Variants in PDE2A observed in about 807,000 individuals in gnomAD.
The protein encoded by PDE2A is cGMP-dependent 3',5'-cyclic phosphodiesterase.
A neutral mutation model predicts 133.6 loss-of-function variants in PDE2A; 53 were observed. The ratio of observed to expected loss-of-function variants is 0.40; its 90% CI spans 0.32 to 0.50. The LOEUF (loss-of-function observed/expected upper bound fraction) is 0.50, where lower values mean the gene tolerates loss of function less well. Ranked by LOEUF, PDE2A falls within the 20% of genes least tolerant of loss-of-function variation. PDE2A has a pLI of 0.73. For missense variants in PDE2A, 796 were observed against 1,232.4 expected (o/e 0.65, Z 5.30); for synonymous variants, 491 against 490.2 (o/e 1.00, Z -0.02).
intron 2 of PDE2A, among the ~76,000 whole-genome samples, chr11:72,620,655 C>T (rs1285618413): frequency 2.0e-5 from 3 of 152,142 alleles, no homozygotes; most frequent in African/African-American, 7.2e-5. Context: ...CTATCCACCC[C>T]CACCCTCCCG....
intron 4 of PDE2A, among the ~76,000 whole-genome samples, chr11:72,602,313 C>T (rs538826912): frequency 6.6e-6 from 1 of 152,342 alleles, no homozygotes; most frequent in South Asian, 2.1e-4. Flanking sequence ...CGCCTTGACC[C>T]TTTTCCACCC....
At chr11:72,643,941 C>T (rs1168708962) in intron 1 of PDE2A, among the ~76,000 whole-genome samples, 1 of 152,140 alleles carries the variant, frequency 6.6e-6, no homozygotes, top group Non-Finnish European at 1.5e-5. Flanking sequence ...CTGAGCCTGG[C>T]GGGCCAGACC....
chr11:72,608,769 G>A lies in PDE2A; in HGVS notation c.145-18C>T. On this transcript the variant is annotated intron_variant, in intron 2 of 30. Coordinates refer to ENST00000334456, the MANE Select transcript of PDE2A (RefSeq NM_002599.5). ...AAGGCGTCCTGGAAGAGAGGAGAGG[G>A]CAGTGAGAGGCTTTGCCAGGCAGGC... 2 of 1,410,692 alleles carry A rather than the reference G, an allele frequency of 1.4e-6. No individual in the cohort carries two copies. The highest frequency in any genetic ancestry group is 1.2e-5 in the South Asian group (1 of 81,834). 87.4% of individuals were successfully genotyped at this position (1,410,692 alleles called of 1,614,324 possible). A position where few individuals can be genotyped will look rare whatever the true frequency, so the allele number is the denominator to read the frequency against.
At chr11:72,632,222 G>T (rs2135418733) in intron 2 of PDE2A, among the ~76,000 whole-genome samples, 1 of 152,308 alleles carries the variant, frequency 6.6e-6, no homozygotes, top group Middle Eastern at 3.4e-3. Flanking sequence ...GGAATCTCTG[G>T]CTCTCCTTGG....
intron 1 of PDE2A, among the ~76,000 whole-genome samples, chr11:72,672,187 C>T (rs168175): frequency 0.48 from 71,989 of 149,468 alleles, 17,570 homozygotes; most frequent in Middle Eastern, 0.68. Context: ...TTTTTTTCTT[C>T]TTTTGAGACA....
At chr11:72,652,083 C>A (rs1489347008) in intron 1 of PDE2A, among the ~76,000 whole-genome samples, 1 of 152,200 alleles carries the variant, frequency 6.6e-6, no homozygotes, top group East Asian at 1.9e-4. Flanking sequence ...CCAGTGGGAG[C>A]CCCTCTCCTG....
intron 13 of PDE2A, among the ~76,000 whole-genome samples, chr11:72,587,035 C>T (rs1236161207): frequency 6.6e-6 from 1 of 152,232 alleles, no homozygotes; most frequent in Non-Finnish European, 1.5e-5. Context: ...GCTTCAGCCA[C>T]ACAAAGATCC....
intron 1 of PDE2A, among the ~76,000 whole-genome samples, chr11:72,671,484 CCCCCCACCCCCG>C (rs1471496238): frequency 1.3e-5 from 2 of 151,876 alleles, no homozygotes; most frequent in African/African-American, 2.4e-5. Flanking sequence ...GGGAGCTCTT[CCCCCCACCCCCG>C]CCCCCACCCC....
chr11:72,628,026 G>T (rs1440308855), intron 2 of PDE2A, among the ~76,000 whole-genome samples: 1 of 152,230 alleles, frequency 6.6e-6, no homozygotes, highest in East Asian at 1.9e-4. Context: ...GTGGGGATGG[G>T]TGCTGGCAGC....
At chr11:72,608,532 C>T (rs907787031) in intron 3 of PDE2A, 130 bp downstream of exon 3, 19 of 604,028 alleles carry the variant, frequency 3.1e-5, no homozygotes, top group Admixed American at 9.8e-5. Flanking sequence ...CCCTTCACTT[C>T]CCCATGAAAG....
At position 72,674,137 on chromosome 11, in the gene PDE2A, G is replaced by A. The variant is rs568259389; in HGVS notation, c.71C>T (p.Pro24Leu). 7.4e-6 allele frequency: 12 copies of A among 1,613,084 alleles called. No homozygotes were observed. Among genetic ancestry groups the A allele is most frequent in the African/African-American group, 2.7e-5 (2 of 75,032 alleles). The change falls in exon 1 of 31, where the codon CCG (proline) becomes CTG (leucine). Residue 24 changes from proline (P) to leucine (L), a missense_variant and splice_region_variant. Coordinates refer to ENST00000334456, the MANE Select transcript of PDE2A (RefSeq NM_002599.5). Reference sequence around the variant, plus strand: ...CACCCCAGCCCCTCACTATACTCACGGCTCAGCCGGTCGCGCTGCCGGGTA... The same window carrying A: ...CACCCCAGCCCCTCACTATACTCACAGCTCAGCCGGTCGCGCTGCCGGGTA... ...QQYPAARPAE[P>L]RGQQVFLKPD...
chr11:72,586,678 C>A (rs531739825), intron 13 of PDE2A, among the ~76,000 whole-genome samples: 1 of 152,326 alleles, frequency 6.6e-6, no homozygotes, highest in Non-Finnish European at 1.5e-5. Context: ...TCTGGTGAGA[C>A]AAGATAAGCC....
In PDE2A at chr11:72,584,595, C is replaced by A. The variant is rs745957262; in HGVS notation, c.1493G>T (p.Arg498Leu). The change falls in exon 18 of 31, where the codon CGC becomes CTC. Residue 498 changes from arginine (R) to leucine (L), a missense_variant. Transcript: ENST00000334456. ...GGGGAAGCAGAGGATGTTGCGCGTG[C>A]GGAAGCCGGTGCTGTCGTCCACGCC... Reference protein sequence around the residue: ...YRGVDDSTGFRTRNILCFPIK... With the variant: ...YRGVDDSTGFLTRNILCFPIK... 1.2e-6 allele frequency: 2 copies of A among 1,612,160 alleles called. No individual in the cohort carries two copies. The highest frequency in any genetic ancestry group is 1.7e-6 in the Non-Finnish European group (2 of 1,179,948).
At chr11:72,588,195 G>A (rs1396601256) in intron 13 of PDE2A, among the ~76,000 whole-genome samples, 1 of 152,118 alleles carries the variant, frequency 6.6e-6, no homozygotes, top group Non-Finnish European at 1.5e-5. Flanking sequence ...GGCACCTACT[G>A]CCTGTTTATG....
chr11:72,661,454 C>T (rs573593828), intron 1 of PDE2A, among the ~76,000 whole-genome samples: 1 of 152,306 alleles, frequency 6.6e-6, no homozygotes, highest in East Asian at 1.9e-4. Flanking sequence ...CTCACACCCA[C>T]AGTCACCACC....
chr11:72,666,892 G>A (rs1195584020), intron 1 of PDE2A, among the ~76,000 whole-genome samples: 2 of 152,190 alleles, frequency 1.3e-5, no homozygotes, highest in African/African-American at 4.8e-5. Flanking sequence ...GATCATTTGA[G>A]GTCAGGAGTT....
At chr11:72,669,670 G>C (rs566248890) in intron 1 of PDE2A, among the ~76,000 whole-genome samples, 17 of 152,250 alleles carry the variant, frequency 1.1e-4, no homozygotes, top group African/African-American at 3.9e-4. Context: ...TGGGGCAGAG[G>C]GGGTAGGAGG....
rs1565145230 is a variant in PDE2A, at chr11:72,578,200, C to T, written c.2615+33G>A. ...CCCACTCCAGCCTACCCTCTCTGTG[C>T]AGGGTGCAGCTTGTCCCCATGAGCT... On this transcript the variant is annotated intron_variant, in intron 30 of 30. Coordinates refer to ENST00000334456, the MANE Select transcript of PDE2A (RefSeq NM_002599.5). The surrounding 1 kb of genome is among the most constrained non-coding windows in gnomAD (Gnocchi z 4.2). 7.5e-7 allele frequency: 1 copy of T among 1,332,932 alleles called. No homozygotes were observed. The highest frequency in any genetic ancestry group is 2.3e-5 in the East Asian group (1 of 43,714). The allele number at this position is 1,332,932 out of a possible 1,614,324, so 82.6% of individuals were successfully genotyped here. A position where few individuals can be genotyped will look rare whatever the true frequency, so the allele number is the denominator to read the frequency against.
At chr11:72,656,377 C>T (rs571299106) in intron 1 of PDE2A, among the ~76,000 whole-genome samples, 9 of 152,058 alleles carry the variant, frequency 5.9e-5, no homozygotes, top group African/African-American at 1.4e-4. Context: ...GTGAGGGGCT[C>T]GGGGGGGCCC....
Sources: allele counts gnomAD v4.1 joint callset (sites outside exome capture counted in the v4.1 genomes callset), GRCh38; gene constraint gnomAD v4.1.1; non-coding constraint Gnocchi (gnomAD v3.1); transcripts MANE v1.5; gene names NCBI Gene and HGNC (gene_info 2026-07-23, HGNC 2026-07-21).